Variants in USP9X observed in about 807,000 individuals in gnomAD.
The protein encoded by USP9X is ubiquitin carboxyl-terminal hydrolase 9X.
Under a neutral mutation model 190.3 loss-of-function variants are expected in USP9X, and 7 were observed. The ratio of observed to expected loss-of-function variants is 0.04; its 90% confidence interval spans 0.02 to 0.07. The LOEUF is 0.07. USP9X is among the 10% of genes least tolerant of loss of function. USP9X has a pLI of 1.00. For missense variants in USP9X, 1,010 were observed against 1,916.9 expected (o/e 0.53, Z 8.83); for synonymous variants, 645 against 659.5 (o/e 0.98, Z 0.34).
intron 13 of USP9X, 36 bp downstream of exon 13, chrX:41,151,093 A>G: frequency 1.7e-6 from 2 of 1,153,962 alleles, no homozygotes; most frequent in South Asian, 4.1e-5. Flanking sequence ...TCAATACTTA[A>G]AATTTATGTA....
At chrX:41,175,910 G>C (rs1228674069) in intron 21 of USP9X, among the ~76,000 whole-genome samples, 5 of 80,747 alleles carry the variant, frequency 6.2e-5, no homozygotes, top group South Asian at 5.3e-4. Flanking sequence ...TTTTTTTTTT[G>C]AGACAGAGTC....
chrX:41,226,363 A>T lies in USP9X; in HGVS notation c.7061+1226A>T, dbSNP rs182157345. On this transcript the variant is annotated intron_variant, in intron 41 of 44. Coordinates refer to ENST00000378308, the MANE Select transcript of USP9X (RefSeq NM_001039591.3). ...CCAAGAGTTATATAATAGATGATAA[A>T]TTATGGTATTAGTTGACAGCACTGC... Among the ~76,000 whole-genome samples the T allele has an allele frequency of 2.5e-4, 28 of 111,871 alleles. No individual in the cohort carries two copies. In the East Asian group the frequency reaches 7.2e-3, roughly 29 times the overall value.
intron 1 of USP9X, among the ~76,000 whole-genome samples, chrX:41,112,224 A>G (rs768791208): frequency 8.9e-6 from 1 of 112,493 alleles, no homozygotes; most frequent in South Asian, 3.6e-4. Flanking sequence ...TTAATACCGA[A>G]AGAACAAAAC....
chrX:41,214,695 A>G lies in USP9X; in HGVS notation c.5317A>G (p.Lys1773Glu). ...LEGANAYHCE[K>E]CNKKVDTVKR... is the part of the protein sequence containing the mutation. ...AGGTGCAAATGCATATCATTGTGAA[A>G]AATGCAATAAAAAGGTACGGGCTGT... is the stretch of plus-strand genomic sequence containing the variant. Residue 1773 changes from lysine (K) to glutamate (E), a missense_variant, in exon 34 of 45, where the codon AAA (lysine) becomes GAA (glutamate). Physicochemically the swap from Lys to Glu is moderately conservative, Grantham distance 56 (BLOSUM62 1). Coordinates refer to ENST00000378308, the MANE Select transcript of USP9X (RefSeq NM_001039591.3). 8.3e-7 allele frequency: 1 copy of G among 1,198,668 alleles called. No individual in the cohort carries two copies. The highest frequency in any genetic ancestry group is 1.1e-6 in the Non-Finnish European group (1 of 891,383).
chrX:41,223,705 G>A (rs2063286013), intron 39 of USP9X, among the ~76,000 whole-genome samples: 1 of 111,677 alleles, frequency 9.0e-6, no homozygotes, highest in Non-Finnish European at 1.9e-5. Context: ...CCAAAGTGCT[G>A]GGATTACAGG....
chrX:41,221,306 C>T (rs1012497524), intron 38 of USP9X, among the ~76,000 whole-genome samples: 6 of 111,870 alleles, frequency 5.4e-5, no homozygotes, highest in Non-Finnish European at 9.4e-5. Context: ...CTTAGGATTT[C>T]AGATAAGAGG....
chrX:41,128,773 G>C (rs1444062019), intron 2 of USP9X, among the ~76,000 whole-genome samples: 1 of 111,598 alleles, frequency 9.0e-6, no homozygotes, highest in Non-Finnish European at 1.9e-5. Flanking sequence ...ATTGTTTGGG[G>C]AATAATGACA....
In USP9X at chrX:41,199,430, C is replaced by T. The variant is rs886442706; in HGVS notation, c.4603+680C>T. ...ATTTTATTTATTTATTTTTTTGAGA[C>T]GGAGTTTCACTCTTGTTGCCCAGGC... is the stretch of plus-strand genomic sequence containing the variant. On this transcript the variant is annotated intron_variant, in intron 30 of 44. Transcript: ENST00000378308. Among the ~76,000 whole-genome samples, 86 of 110,329 alleles carry T rather than the reference C, an allele frequency of 7.8e-4. 1 individual carries two copies. Among genetic ancestry groups the T allele is most frequent in the Non-Finnish European group, 2.1e-4 (11 of 52,732 alleles).
chrX:41,186,688 C>G (rs778413838), intron 24 of USP9X, 46 bp downstream of exon 24: 1 of 1,187,234 alleles, frequency 8.4e-7, no homozygotes. Flanking sequence ...TTTCCTAGGC[C>G]CACTTATTTT....
chrX:41,194,935 A>T (rs774387822), intron 26 of USP9X, among the ~76,000 whole-genome samples: 2 of 111,828 alleles, frequency 1.8e-5, no homozygotes, highest in East Asian at 5.6e-4. Context: ...AACAGTTTTT[A>T]AAAAAGATAG....
chrX:41,207,918 T>C (rs1374025329), intron 32 of USP9X, among the ~76,000 whole-genome samples: 1 of 111,089 alleles, frequency 9.0e-6, no homozygotes, highest in African/African-American at 3.3e-5. Context: ...CCTCTCTGAC[T>C]ATTTCAGTTC....
intron 32 of USP9X, among the ~76,000 whole-genome samples, chrX:41,207,531 A>T (rs2063114238): frequency 8.9e-6 from 1 of 112,091 alleles, no homozygotes; most frequent in African/African-American, 3.2e-5. Context: ...TTACATTTTT[A>T]TCTTGTTTCC....
intron 21 of USP9X, among the ~76,000 whole-genome samples, chrX:41,176,838 A>C (rs2062778947): frequency 8.9e-6 from 1 of 112,356 alleles, no homozygotes; most frequent in African/African-American, 3.2e-5. Context: ...GGGTTATAGA[A>C]ACGTGCTATA....
At chrX:41,153,295 T>C (rs1041133031) in intron 14 of USP9X, among the ~76,000 whole-genome samples, 1 of 111,966 alleles carries the variant, frequency 8.9e-6, no homozygotes, top group African/African-American at 3.2e-5. Context: ...TTTTGTTCTC[T>C]GCTTTGGGAG....
chrX:41,171,735 A>G (rs763037897), intron 20 of USP9X, 103 bp from the exon 21 acceptor site: 136 of 984,634 alleles, frequency 1.4e-4, no homozygotes, highest in Non-Finnish European at 1.9e-4. Context: ...TAGAAATTTC[A>G]TAAGTAAAAG....
At chrX:41,120,851 T>A (rs1448523167) in intron 1 of USP9X, among the ~76,000 whole-genome samples, 2 of 103,486 alleles carry the variant, frequency 1.9e-5, no homozygotes, top group African/African-American at 7.1e-5. Context: ...TTTTTTTTTT[T>A]TTTTTGAGAC....
In USP9X at chrX:41,168,036, T is replaced by G. The variant is rs2062692843; in HGVS notation, c.2454T>G (p.Ser818=). ...TGATCCATGAAGACTTCATTCAGTC[T>G]TGTTTTGATCGTCTGAAGGCTTCCT... ...QVVIHEDFIQ[S]CFDRLKASYD... Residue 818 remains serine, a synonymous_variant, in exon 18 of 45, where the codon TCT becomes TCG. Transcript: ENST00000378308. The G allele has an allele frequency of 8.3e-7, 1 of 1,208,968 alleles. No individual in the cohort carries two copies. The highest frequency in any genetic ancestry group is 1.1e-6 in the Non-Finnish European group (1 of 894,625).
intron 38 of USP9X, among the ~76,000 whole-genome samples, chrX:41,221,716 T>C (rs1444821295): frequency 9.0e-6 from 1 of 110,721 alleles, no homozygotes; most frequent in Non-Finnish European, 1.9e-5. Context: ...CATTGTAGGG[T>C]TTTGAACAGA....
chrX:41,222,939 C>G (rs956031040), intron 38 of USP9X, among the ~76,000 whole-genome samples: 1 of 111,592 alleles, frequency 9.0e-6, no homozygotes. Flanking sequence ...ATCTTCCTTA[C>G]AGTGAGCCGG....
Sources: allele counts gnomAD v4.1 joint callset (sites outside exome capture counted in the v4.1 genomes callset), GRCh38; gene constraint gnomAD v4.1.1; transcripts MANE v1.5; gene names NCBI Gene and HGNC (gene_info 2026-07-23, HGNC 2026-07-21).